The following ERC2 variants were observed in gnomAD, a reference collection of about 807,000 sequenced individuals.
ERC2 encodes ERC protein 2.
Under a neutral mutation model 114.8 loss-of-function variants are expected in ERC2, and 42 were observed. The ratio of observed to expected loss-of-function variants is 0.37; its 90% CI spans 0.29 to 0.47. ERC2 has a LOEUF of 0.47. Ranked by LOEUF, ERC2 falls within the 20% of genes least tolerant of loss-of-function variation. The pLI, the probability that ERC2 is intolerant of heterozygous loss-of-function variation, is 0.99. For synonymous variants in ERC2, 454 were observed against 425.5 expected (o/e 1.07, Z -0.82); for missense variants, 939 against 1,150.7 (o/e 0.82, Z 2.66).
At chr3:56,350,372 T>C (rs966632118) in intron 2 of ERC2, among the ~76,000 whole-genome samples, 2 of 152,216 alleles carry the variant, frequency 1.3e-5, no homozygotes, top group Admixed American at 6.5e-5. Context: ...ACGGTTGGCA[T>C]ATGAGCCTTA....
At chr3:56,311,824 T>C (rs1430702759) in intron 2 of ERC2, among the ~76,000 whole-genome samples, 1 of 122,120 alleles carries the variant, frequency 8.2e-6, no homozygotes, top group Non-Finnish European at 1.7e-5. Flanking sequence ...TATAAATGTG[T>C]GTGTGTGTGT....
rs183499786 is a variant in ERC2 at position 55,573,764 on chromosome 3, C to T, written c.*40-62488G>A. On this transcript the variant is annotated intron_variant, in intron 17 of 17. Coordinates refer to ENST00000288221, the MANE Select transcript of ERC2 (RefSeq NM_015576.3). ...GTTCATGCAGCAATGAAGCCTGCCA[C>T]GTGCCTTCAGCCTAAGTATGGATTC... Among the ~76,000 whole-genome samples the T allele has an allele frequency of 3.1e-4, 47 of 152,192 alleles. No individual in the cohort carries two copies. The East Asian group carries it at 7.7e-3, about 25-fold the overall frequency.
At chr3:56,007,439 A>G in intron 9 of ERC2, 118 bp from the exon 10 acceptor site, 1 of 929,426 alleles carries the variant, frequency 1.1e-6, no homozygotes, top group Non-Finnish European at 1.6e-6. Flanking sequence ...GAAAGGGTAA[A>G]TATAATCTTA....
chr3:55,994,647 T>TAAAAAAAAAA lies in ERC2; in HGVS notation c.2062-2407_2062-2398dup, dbSNP rs10662566. Among the ~76,000 whole-genome samples the TAAAAAAAAAA allele has an allele frequency of 3.3e-5, 2 of 61,418 alleles. 1 individual carries two copies. The highest frequency in any genetic ancestry group is 5.4e-5 in the Non-Finnish European group (2 of 36,928). 40.3% of individuals were successfully genotyped at this position (61,418 alleles called of 152,430 possible). A position where few individuals can be genotyped will look rare whatever the true frequency, so the allele number is the denominator to read the frequency against. ...CATTGACAAGATACTACATACTCCCTAAAAAAAAAAAAAAAAAAAAAAAAA... is the reference window on the plus strand; with the variant it reads ...CATTGACAAGATACTACATACTCCCTAAAAAAAAAAAAAAAAAAAAAAAAAAAAAAAAAAA... On this transcript the variant is annotated intron_variant, in intron 10 of 17. Coordinates refer to ENST00000288221, the MANE Select transcript of ERC2 (RefSeq NM_015576.3).
intron 1 of ERC2, among the ~76,000 whole-genome samples, chr3:56,463,540 A>G (rs962095432): frequency 6.6e-6 from 1 of 152,190 alleles, no homozygotes; most frequent in Non-Finnish European, 1.5e-5. Flanking sequence ...AAAGGAGAAA[A>G]TGAATGTTGG....
intron 3 of ERC2, among the ~76,000 whole-genome samples, chr3:56,213,835 C>T (rs1220006158): frequency 2.6e-5 from 4 of 151,990 alleles, no homozygotes; most frequent in African/African-American, 9.7e-5. Flanking sequence ...GGAACAGCAA[C>T]ATCTGCTGTT....
intron 3 of ERC2, among the ~76,000 whole-genome samples, chr3:56,271,773 C>A (rs1054996603): frequency 6.6e-6 from 1 of 152,150 alleles, no homozygotes; most frequent in Non-Finnish European, 1.5e-5. Flanking sequence ...CTTCCACCCT[C>A]AAGTAGGTCC....
intron 10 of ERC2, among the ~76,000 whole-genome samples, chr3:55,997,709 G>C (rs1162993642): frequency 1.3e-5 from 2 of 149,796 alleles, no homozygotes; most frequent in African/African-American, 4.9e-5. Flanking sequence ...TAGTTAAGCT[G>C]CAGAAAGGTT....
At chr3:56,282,768 A>G (rs2054434694) in intron 3 of ERC2, among the ~76,000 whole-genome samples, 1 of 152,138 alleles carries the variant, frequency 6.6e-6, no homozygotes, top group South Asian at 2.1e-4. Flanking sequence ...CTATTCCATG[A>G]TAAGCCCAAC....
chr3:55,859,386 C>T (rs1272587748), intron 14 of ERC2, among the ~76,000 whole-genome samples: 3 of 151,972 alleles, frequency 2.0e-5, no homozygotes, highest in African/African-American at 7.3e-5. Context: ...AGGGCTTCAA[C>T]AGCAGTGTGG....
At chr3:56,117,128 G>T (rs1243899743) in intron 6 of ERC2, among the ~76,000 whole-genome samples, 1 of 152,156 alleles carries the variant, frequency 6.6e-6, no homozygotes, top group Non-Finnish European at 1.5e-5. Flanking sequence ...TGAAGAGATG[G>T]TGCTGCCCCT....
At chr3:56,150,329 T>A (rs1290362823) in intron 4 of ERC2, among the ~76,000 whole-genome samples, 1 of 152,176 alleles carries the variant, frequency 6.6e-6, no homozygotes, top group Non-Finnish European at 1.5e-5. Flanking sequence ...TCCTATAATC[T>A]ATGCCCAGTG....
chr3:55,679,356 T>G (rs1270020422), intron 17 of ERC2, among the ~76,000 whole-genome samples: 2 of 152,214 alleles, frequency 1.3e-5, no homozygotes, highest in East Asian at 3.9e-4. Flanking sequence ...GCTTAAAACT[T>G]ACTTCCTTGG....
intron 15 of ERC2, among the ~76,000 whole-genome samples, chr3:55,733,614 C>A (rs2065440967): frequency 6.7e-6 from 1 of 149,652 alleles, no homozygotes; most frequent in Admixed American, 6.7e-5. Flanking sequence ...TGTCTCTGAA[C>A]AAGGCAGCCC....
intron 14 of ERC2, among the ~76,000 whole-genome samples, chr3:55,811,176 C>T (rs570150440): frequency 6.6e-6 from 1 of 152,182 alleles, no homozygotes; most frequent in Non-Finnish European, 1.5e-5. Flanking sequence ...AATAGCAATA[C>T]ATGGCTAGGG....
chr3:55,993,277 G>A (rs1350413), intron 10 of ERC2, among the ~76,000 whole-genome samples: 47,565 of 151,962 alleles, frequency 0.31, 8,446 homozygotes, highest in Middle Eastern at 0.41. Context: ...AAATCCATGG[G>A]TGATATAATC....
At chr3:55,617,233 T>C (rs1444462969) in intron 17 of ERC2, among the ~76,000 whole-genome samples, 6 of 152,170 alleles carry the variant, frequency 3.9e-5, no homozygotes, top group African/African-American at 1.4e-4. Flanking sequence ...GCAAGAAATA[T>C]TTCCAGTGCG....
intron 13 of ERC2, among the ~76,000 whole-genome samples, chr3:55,900,653 C>T (rs1185555282): frequency 6.6e-6 from 1 of 152,198 alleles, no homozygotes; most frequent in East Asian, 1.9e-4. Flanking sequence ...CAAGATCTAC[C>T]TTGAACAATA....
At chr3:55,908,756 T>C (rs1458884469) in intron 13 of ERC2, among the ~76,000 whole-genome samples, 2 of 152,124 alleles carry the variant, frequency 1.3e-5, no homozygotes, top group African/African-American at 4.8e-5. Flanking sequence ...CTCCTACACG[T>C]TGGGTTGCCA....
Sources: allele counts gnomAD v4.1 joint callset (sites outside exome capture counted in the v4.1 genomes callset), GRCh38; gene constraint gnomAD v4.1.1; transcripts MANE v1.5; gene names NCBI Gene and HGNC (gene_info 2026-07-23, HGNC 2026-07-21).